PHF20: variants seen among roughly 807,000 people sequenced by gnomAD.
PHF20 encodes PHD finger protein 20, also known as glioma-expressed antigen 2.
A neutral mutation model predicts 113.5 loss-of-function variants in PHF20; 23 were observed. The observed-to-expected ratio is 0.20, with a 90% CI of 0.15 to 0.29. The LOEUF is 0.29. PHF20 is among the 10% of genes least tolerant of loss of function. PHF20 has a pLI of 1.00. For missense variants in PHF20, 943 were observed against 1,219.6 expected (o/e 0.77, Z 3.38); for synonymous variants, 434 against 457.3 (o/e 0.95, Z 0.65).
chr20:35,922,438 C>A (rs1308937645), intron 13 of PHF20, among the ~76,000 whole-genome samples: 1 of 152,140 alleles, frequency 6.6e-6, no homozygotes, highest in African/African-American at 2.4e-5. Flanking sequence ...TTTTGAATAA[C>A]CCTAGAATAC....
At chr20:35,837,846 A>G (rs2042469306) in intron 2 of PHF20, among the ~76,000 whole-genome samples, 1 of 152,202 alleles carries the variant, frequency 6.6e-6, no homozygotes, top group Admixed American at 6.5e-5. Context: ...TACCAGGTTG[A>G]TCTCTAAGAT....
At chr20:35,834,179 GATA>G (rs577580950) in intron 2 of PHF20, among the ~76,000 whole-genome samples, 2 of 151,648 alleles carry the variant, frequency 1.3e-5, no homozygotes, top group Admixed American at 6.6e-5. Context: ...ATGGAGGAGA[GATA>G]ATGCCTCTCT....
chr20:35,772,342 C>A (rs911002599), intron 1 of PHF20, among the ~76,000 whole-genome samples: 33 of 150,990 alleles, frequency 2.2e-4, no homozygotes, highest in African/African-American at 8.0e-4. Context: ...ATCAGCGCCG[C>A]CCGAGGGGGC....
intron 6 of PHF20, among the ~76,000 whole-genome samples, chr20:35,866,695 A>G (rs1264093035): frequency 6.6e-6 from 1 of 152,134 alleles, no homozygotes; most frequent in South Asian, 2.1e-4. Flanking sequence ...TTTGAAACTA[A>G]TTCTCCTTTA....
At position 35,858,447 on chromosome 20, in the gene PHF20, A is replaced by G. The variant is rs1048703836; in HGVS notation, c.420+66A>G. The G allele has an allele frequency of 3.4e-5, 28 of 831,824 alleles. No homozygotes were observed. In the East Asian group the frequency reaches 6.7e-4, roughly 20 times the overall value. 51.5% of individuals were successfully genotyped at this position (831,824 alleles called of 1,614,324 possible). ...TAACATTGTAGTTTTGTTTCCTCAA[A>G]TAAAGACATTACATTTGTTTATGAT... On this transcript the variant is annotated intron_variant, in intron 5 of 17. Transcript: ENST00000374012.
In PHF20 at chr20:35,947,815, C is replaced by T. The variant is rs2056113625; in HGVS notation, c.*188C>T. On this transcript the variant is annotated 3_prime_UTR_variant, in exon 18 of 18. Transcript: ENST00000374012. Reference sequence around the variant, plus strand: ...TGGCTGCGGGAGGACACTCTGATCTCGAAGCCTGCCATAAAGGTAGCAAAT... The same window carrying T: ...TGGCTGCGGGAGGACACTCTGATCTTGAAGCCTGCCATAAAGGTAGCAAAT... The T allele has an allele frequency of 5.2e-6, 3 of 571,786 alleles. No homozygotes were observed. Among genetic ancestry groups the T allele is most frequent in the African/African-American group, 1.9e-5 (1 of 53,562 alleles). The allele number at this position is 571,786 out of a possible 1,614,324, so 35.4% of individuals were successfully genotyped here. A position where few individuals can be genotyped will look rare whatever the true frequency, so the allele number is the denominator to read the frequency against.
At chr20:35,783,520 G>A (rs1429369848) in intron 1 of PHF20, among the ~76,000 whole-genome samples, 1 of 151,912 alleles carries the variant, frequency 6.6e-6, no homozygotes, top group Non-Finnish European at 1.5e-5. Flanking sequence ...GGGTTCAAGG[G>A]ATCCTCCTGC....
intron 4 of PHF20, among the ~76,000 whole-genome samples, chr20:35,851,903 C>T (rs569717195): frequency 3.3e-5 from 5 of 150,016 alleles, no homozygotes; most frequent in South Asian, 2.1e-4. Context: ...GGTGACAGAG[C>T]GAGACTCCGT....
chr20:35,872,689 A>G (rs888840666), intron 9 of PHF20, among the ~76,000 whole-genome samples: 1 of 152,084 alleles, frequency 6.6e-6, no homozygotes, highest in Admixed American at 6.6e-5. Context: ...AGTTTGAAGT[A>G]TTTTATGTTT....
intron 4 of PHF20, among the ~76,000 whole-genome samples, chr20:35,850,416 C>T (rs2042704181): frequency 6.9e-6 from 1 of 144,212 alleles, no homozygotes; most frequent in African/African-American, 2.5e-5. Flanking sequence ...TCAAGCAATT[C>T]TCCTGCCTCA....
intron 17 of PHF20, among the ~76,000 whole-genome samples, chr20:35,944,139 C>T (rs1032893044): frequency 1.3e-5 from 2 of 152,160 alleles, no homozygotes; most frequent in Non-Finnish European, 2.9e-5. Context: ...TGTTCTGCAT[C>T]TTTAAAAGAG....
chr20:35,884,427 C>T (rs1315145169), intron 9 of PHF20, among the ~76,000 whole-genome samples: 1 of 152,162 alleles, frequency 6.6e-6, no homozygotes, highest in East Asian at 1.9e-4. Context: ...GCATTTGGGG[C>T]AGCTCTGCCA....
chr20:35,795,068 T>C lies in PHF20; in HGVS notation c.-32-6423T>C, dbSNP rs145351922. The stretch of plus-strand genomic sequence containing the variant: ...TTAGCTGGGTGTGGTGGTGTGCTCC[T>C]GTAATCCCAGCTACTTGGGAGGCTG... On this transcript the variant is annotated intron_variant, in intron 1 of 17. Transcript: ENST00000374012. 9.7e-3 allele frequency among the ~76,000 whole-genome samples: 1,468 copies of C among 151,982 alleles called. 16 individuals carry two copies. The highest frequency in any genetic ancestry group is 0.04 in the East Asian group (204 of 5,110).
chr20:35,788,644 C>T (rs1478679123), intron 1 of PHF20, among the ~76,000 whole-genome samples: 1 of 152,120 alleles, frequency 6.6e-6, no homozygotes, highest in Non-Finnish European at 1.5e-5. Context: ...ATGGCATGAT[C>T]TCTGCTCACT....
chr20:35,812,621 A>G (rs187359097), intron 2 of PHF20, among the ~76,000 whole-genome samples: 1 of 152,150 alleles, frequency 6.6e-6, no homozygotes, highest in East Asian at 1.9e-4. Context: ...TTTTTTTTGC[A>G]GAGTGTTTCA....
rs140315180 is a variant in PHF20 at position 35,837,958 on chromosome 20, A to C, written c.84-4615A>C. 2.5e-3 allele frequency among the ~76,000 whole-genome samples: 376 copies of C among 152,320 alleles called. 2 individuals carry two copies. The highest frequency in any genetic ancestry group is 3.7e-3 in the Non-Finnish European group (254 of 68,028). ...TTTAGGGAAGTGGGGAGGACCACTT[A>C]ATCTTTGGAAAATTTTGCGCCTTGG... On this transcript the variant is annotated intron_variant, in intron 2 of 17. Transcript: ENST00000374012.
At chr20:35,813,907 G>A (rs1011842026) in intron 2 of PHF20, among the ~76,000 whole-genome samples, 2 of 140,264 alleles carry the variant, frequency 1.4e-5, no homozygotes, top group Non-Finnish European at 3.0e-5. Flanking sequence ...ACTCCAGCCT[G>A]GGTGACAGAG....
intron 9 of PHF20, among the ~76,000 whole-genome samples, chr20:35,893,886 G>A (rs1275896147): frequency 2.0e-5 from 3 of 152,204 alleles, no homozygotes; most frequent in Non-Finnish European, 4.4e-5. Flanking sequence ...AAAATGCTGG[G>A]ATTACAGGCA....
At chr20:35,789,522 AAGAACAGTAAT>A (rs1173099406) in intron 1 of PHF20, among the ~76,000 whole-genome samples, 1 of 151,142 alleles carries the variant, frequency 6.6e-6, no homozygotes, top group African/African-American at 2.4e-5. Context: ...TATGGGTGGT[AAGAACAGTAAT>A]AACCCTTTTT....
Sources: gnomAD v4.1 joint callset for allele counts (sites outside exome capture counted in the v4.1 genomes callset) on GRCh38, gnomAD v4.1.1 for gene constraint, MANE v1.5 for transcripts, NCBI Gene and HGNC (gene_info 2026-07-23, HGNC 2026-07-21) for gene names.